Variants in C12orf42 observed in about 807,000 individuals in gnomAD.
The protein encoded by C12orf42 is uncharacterized protein C12orf42.
A neutral mutation model predicts 21.6 loss-of-function variants in C12orf42; 25 were observed. The ratio of observed to expected loss-of-function variants is 1.16; its 90% CI spans 0.84 to 1.62. The LOEUF (loss-of-function observed/expected upper bound fraction) is 1.62, where lower values mean the gene tolerates loss of function less well. Ranked by LOEUF, C12orf42 falls within the 40% of genes most tolerant of loss-of-function variation. C12orf42 has a pLI of 0.00. For synonymous variants in C12orf42, 174 were observed against 175.0 expected (o/e 0.99, Z 0.05); for missense variants, 483 against 459.3 (o/e 1.05, Z -0.47).
At chr12:103,297,474 C>G (rs1202235277), downstream of C12orf42, among the ~76,000 whole-genome samples, 3 of 151,522 alleles carry the variant, frequency 2.0e-5, no homozygotes, top group Admixed American at 1.3e-4. Flanking sequence ...GCCTACCAAC[C>G]AAAAAAAAAG....
chr12:103,323,691 T>C (rs1163463002), intron 4 of C12orf42, among the ~76,000 whole-genome samples: 1 of 152,256 alleles, frequency 6.6e-6, no homozygotes, highest in Non-Finnish European at 1.5e-5. Flanking sequence ...AGTAGATTCA[T>C]TACATTTGTG....
chr12:103,374,012 T>C (rs539788593), intron 3 of C12orf42, among the ~76,000 whole-genome samples: 1 of 152,328 alleles, frequency 6.6e-6, no homozygotes, highest in East Asian at 1.9e-4. Flanking sequence ...TGCAATGCAG[T>C]GTTAAGGTGA....
the C12orf42 span, among the ~76,000 whole-genome samples, chr12:103,552,408 A>G: frequency 6.6e-6 from 1 of 152,214 alleles, no homozygotes; most frequent in African/African-American, 2.4e-5. Context: ...AAACAAAAAA[A>G]CACAAAAGGA....
intron 2 of C12orf42, among the ~76,000 whole-genome samples, chr12:103,408,893 T>C (rs2048619474): frequency 6.6e-6 from 1 of 152,232 alleles, no homozygotes; most frequent in Non-Finnish European, 1.5e-5. Flanking sequence ...AAGTTATATT[T>C]GATGTATCCA....
chr12:103,541,259 T>C, the C12orf42 span, among the ~76,000 whole-genome samples: 1 of 152,222 alleles, frequency 6.6e-6, no homozygotes, highest in Non-Finnish European at 1.5e-5. Flanking sequence ...ACAATCACTA[T>C]TTCTATTATT....
At chr12:103,358,439 A>T (rs1483727453) in intron 4 of C12orf42, among the ~76,000 whole-genome samples, 1 of 152,192 alleles carries the variant, frequency 6.6e-6, no homozygotes, top group African/African-American at 2.4e-5. Context: ...CAATTCATCC[A>T]AGTTAATCAA....
chr12:103,213,394 CTT>C, the C12orf42 span, among the ~76,000 whole-genome samples: 2 of 152,158 alleles, frequency 1.3e-5, no homozygotes, highest in African/African-American at 4.8e-5. Context: ...TTGTAAATCT[CTT>C]TATTGAACAG....
intron 2 of C12orf42, among the ~76,000 whole-genome samples, chr12:103,410,612 G>C (rs1278852149): frequency 6.6e-6 from 1 of 152,160 alleles, no homozygotes; most frequent in Non-Finnish European, 1.5e-5. Flanking sequence ...AACCATCTTT[G>C]CTCTAGGTAA....
chr12:103,369,160 TAACTC>T (rs2044933095), intron 3 of C12orf42, among the ~76,000 whole-genome samples, 162 bp from the exon 4 acceptor site: 1 of 152,126 alleles, frequency 6.6e-6, no homozygotes, highest in African/African-American at 2.4e-5. Context: ...CAATCACAGT[TAACTC>T]TAGTTACCTT....
chr12:103,528,260 T>A, the C12orf42 span, among the ~76,000 whole-genome samples: 9 of 152,016 alleles, frequency 5.9e-5, no homozygotes, highest in Admixed American at 3.3e-4. Context: ...AAGAAAAAAA[T>A]TGAGAAAGCA....
intron 3 of C12orf42, among the ~76,000 whole-genome samples, chr12:103,376,675 A>G (rs761242593): frequency 2.0e-5 from 3 of 152,164 alleles, no homozygotes; most frequent in Non-Finnish European, 4.4e-5. Context: ...TGTTTGTTTT[A>G]TTTGTATTCT....
At chr12:103,546,117 CT>C in the C12orf42 span, among the ~76,000 whole-genome samples, 56 of 152,206 alleles carry the variant, frequency 3.7e-4, no homozygotes, top group African/African-American at 1.3e-3. Context: ...GGGAAGTCGC[CT>C]TGAGGAGATG....
intron 5 of C12orf42, among the ~76,000 whole-genome samples, chr12:103,272,870 T>C (rs1235297935): frequency 6.6e-6 from 1 of 152,180 alleles, no homozygotes; most frequent in African/African-American, 2.4e-5. Context: ...GACTAGCACA[T>C]GATCTGCTTT....
downstream of C12orf42, among the ~76,000 whole-genome samples, chr12:103,297,416 C>A (rs892174861): frequency 2.0e-5 from 3 of 152,192 alleles, no homozygotes; most frequent in African/African-American, 7.2e-5. Flanking sequence ...GAAGTTGAAT[C>A]TCTGAATAGA....
intron 10 of C12orf42, among the ~76,000 whole-genome samples, chr12:103,254,682 G>A (rs372455192): frequency 1.1e-4 from 16 of 152,328 alleles, no homozygotes; most frequent in Admixed American, 7.2e-4. Flanking sequence ...AACACTGCGT[G>A]TCCTCACTTA....
intron 1 of C12orf42, among the ~76,000 whole-genome samples, chr12:103,483,255 C>T (rs957660687): frequency 1.3e-5 from 2 of 152,086 alleles, no homozygotes; most frequent in African/African-American, 4.8e-5. Context: ...TTGTAGCAAA[C>T]GTACCACTTG....
chr12:103,061,826 A>T, the C12orf42 span, among the ~76,000 whole-genome samples: 1 of 151,890 alleles, frequency 6.6e-6, no homozygotes, highest in Non-Finnish European at 1.5e-5. Flanking sequence ...TGAGGCATTT[A>T]GTACACATAT....
chr12:103,264,720 A>T (rs1275998197), downstream of C12orf42, among the ~76,000 whole-genome samples: 3 of 152,172 alleles, frequency 2.0e-5, no homozygotes, highest in Non-Finnish European at 2.9e-5. Context: ...AATACAAAAC[A>T]GGTGTAACAA....
chr12:103,292,490 A>G (rs2036886893), intron 4 of C12orf42, among the ~76,000 whole-genome samples: 2 of 152,142 alleles, frequency 1.3e-5, no homozygotes, highest in South Asian at 4.1e-4. Flanking sequence ...AAGACCAAAA[A>G]GAAAGAAAGG....
Sources: gnomAD v4.1 joint callset for allele counts (sites outside exome capture counted in the v4.1 genomes callset) on GRCh38, gnomAD v4.1.1 for gene constraint, MANE v1.5 for transcripts, NCBI Gene and HGNC (gene_info 2026-07-23, HGNC 2026-07-21) for gene names.